Variants in PACS1 observed in about 807,000 individuals in gnomAD.
The protein encoded by PACS1 is phosphofurin acidic cluster sorting protein 1.
A neutral mutation model predicts 115.0 loss-of-function variants in PACS1; 24 were observed. The observed-to-expected ratio is 0.21, with a 90% CI of 0.15 to 0.29. PACS1 has a LOEUF of 0.29. PACS1 is among the 10% of genes least tolerant of loss of function. The pLI, the probability that PACS1 is intolerant of heterozygous loss-of-function variation, is 1.00. For synonymous variants in PACS1, 453 were observed against 504.5 expected, an observed-to-expected ratio of 0.90 and a Z score of 1.37; for missense variants, 838 against 1,251.2, an observed-to-expected ratio of 0.67 and a Z score of 4.98.
At chr11:66,204,056 A>G (rs1428424532) in intron 2 of PACS1, among the ~76,000 whole-genome samples, 1 of 152,182 alleles carries the variant, frequency 6.6e-6, no homozygotes, top group Non-Finnish European at 1.5e-5. Flanking sequence ...ATGGGATCAC[A>G]TCAAGTTAAA....
At chr11:66,225,814 G>T (rs1855460054) in intron 10 of PACS1, among the ~76,000 whole-genome samples, 1 of 152,138 alleles carries the variant, frequency 6.6e-6, no homozygotes, top group Non-Finnish European at 1.5e-5. Context: ...ATCGAAAATG[G>T]AGTGAAATTA....
At chr11:66,238,768 A>C in intron 19 of PACS1, 36 bp from the exon 20 acceptor site, 10 of 1,563,714 alleles carry the variant, frequency 6.4e-6, no homozygotes, top group Non-Finnish European at 8.7e-6. Flanking sequence ...CTGCTTTAAC[A>C]GGAGGATCTA....
chr11:66,211,389 G>C, intron 4 of PACS1, 130 bp downstream of exon 4: 1 of 860,796 alleles, frequency 1.2e-6, no homozygotes. Flanking sequence ...TCTGTTTTAC[G>C]AGTTAATTAT....
At chr11:66,196,243 A>G (rs887694582) in intron 2 of PACS1, among the ~76,000 whole-genome samples, 2 of 152,386 alleles carry the variant, frequency 1.3e-5, no homozygotes, top group South Asian at 2.1e-4. Context: ...AGAGAAAGCC[A>G]GTTTTGCTTA....
At chr11:66,158,108 A>G (rs528365281) in intron 1 of PACS1, among the ~76,000 whole-genome samples, 1 of 152,238 alleles carries the variant, frequency 6.6e-6, no homozygotes, top group Admixed American at 6.5e-5. Context: ...CTGAGACTAC[A>G]GATACGCGCC....
intron 1 of PACS1, among the ~76,000 whole-genome samples, chr11:66,136,041 A>G (rs1858834636): frequency 6.6e-6 from 1 of 152,114 alleles, no homozygotes; most frequent in Non-Finnish European, 1.5e-5. Flanking sequence ...CTGTCAGTTG[A>G]ATTATTGAGC....
chr11:66,138,284 G>A (rs1858895048), intron 1 of PACS1, among the ~76,000 whole-genome samples: 2 of 151,968 alleles, frequency 1.3e-5, no homozygotes, highest in Admixed American at 1.3e-4. Flanking sequence ...TTACAGAGAT[G>A]GGAGTCTTGC....
At chr11:66,202,188 GA>G (rs1480498098) in intron 2 of PACS1, among the ~76,000 whole-genome samples, 1 of 152,086 alleles carries the variant, frequency 6.6e-6, no homozygotes, top group Non-Finnish European at 1.5e-5. Context: ...GAACCATGAA[GA>G]AATTCAAAAC....
At chr11:66,216,862 C>CTTTTTTTTTTTTTTTTTTTTTTTTTTT in intron 7 of PACS1, 87 bp downstream of exon 7, 1 of 849,840 alleles carries the variant, frequency 1.2e-6, no homozygotes, top group Middle Eastern at 2.5e-4. Flanking sequence ...CTAGTGGAGA[C>CTTTTTTTTTTTTTTTTTTTTTTTTTTT]TTCTTAAAAT....
chr11:66,099,560 T>G (rs1295212996), intron 1 of PACS1, among the ~76,000 whole-genome samples: 2 of 150,396 alleles, frequency 1.3e-5, no homozygotes, highest in African/African-American at 2.5e-5. Context: ...TTGGGGGGGT[T>G]TTGAGGGCAG....
In PACS1 at chr11:66,233,948, G is replaced by A. The variant is rs755579200; in HGVS notation, c.1993+9G>A. The stretch of plus-strand genomic sequence containing the variant: ...CCTCATCATCCCCCTCGGTAAAGAC[G>A]GGAGGCACCAGGAGGGCGTCGGGCA... On this transcript the variant is annotated intron_variant, in intron 16 of 23. Coordinates refer to ENST00000320580, the MANE Select transcript of PACS1 (RefSeq NM_018026.4). The surrounding 1 kb of genome is among the most constrained non-coding windows in gnomAD (Gnocchi z 4.5). The A allele has an allele frequency of 5.1e-6, 8 of 1,568,702 alleles. No individual in the cohort carries two copies. The highest frequency in any genetic ancestry group is 2.7e-5 in the African/African-American group (2 of 74,004).
chr11:66,197,949 G>A (rs1318209274), intron 2 of PACS1, among the ~76,000 whole-genome samples: 1 of 152,048 alleles, frequency 6.6e-6, no homozygotes, highest in Non-Finnish European at 1.5e-5. Flanking sequence ...GTCCAAAATA[G>A]GAATGAGAAT....
At chr11:66,187,542 G>A (rs1854411874) in intron 1 of PACS1, among the ~76,000 whole-genome samples, 1 of 152,000 alleles carries the variant, frequency 6.6e-6, no homozygotes, top group Non-Finnish European at 1.5e-5. Context: ...TTCCATGTGT[G>A]AGTGAGATCA....
chr11:66,241,563 G>T lies in PACS1; in HGVS notation c.2566G>T (p.Val856Leu), dbSNP rs773414621. 6.2e-7 allele frequency: 1 copy of T among 1,614,138 alleles called. No individual in the cohort carries two copies. The highest frequency in any genetic ancestry group is 8.5e-7 in the Non-Finnish European group (1 of 1,180,050). Residue 856 changes from valine to leucine, a missense_variant, in exon 22 of 24, where the codon GTG becomes TTG. Val to Leu is a conservative substitution (Grantham distance 32, BLOSUM62 1). This residue lies in a region of PACS1 where 84 missense variants were observed against 187.1 expected (regional missense o/e 0.45). Coordinates refer to ENST00000320580, the MANE Select transcript of PACS1 (RefSeq NM_018026.4). ...CACCCTCAAGAGTGTCTTCCGCTCA[G>T]TGCAGGTGTCCCGCCTGCCCCATAG... ...KNTLKSVFRS[V>L]QVSRLPHSGE...
rs146649196 is a variant in PACS1, at chr11:66,217,681, G to A, written c.978+906G>A. ...TCAGCAACTAGGGAGCGGGAGGACT[G>A]TTTCCTTGTCCTCAGGTATCCACCT... On this transcript the variant is annotated intron_variant, in intron 7 of 23. Transcript: ENST00000320580. 926 of 451,790 alleles carry A rather than the reference G, an allele frequency of 2.0e-3. 1 individual carries two copies. The highest frequency in any genetic ancestry group is 3.3e-3 in the Non-Finnish European group (732 of 224,314). 28.0% of individuals were successfully genotyped at this position (451,790 alleles called of 1,614,324 possible). A position where few individuals can be genotyped will look rare whatever the true frequency, so the allele number is the denominator to read the frequency against.
intron 7 of PACS1, chr11:66,219,501 AG>A: frequency 3.1e-6 from 2 of 643,768 alleles, no homozygotes; most frequent in Non-Finnish European, 5.7e-6. Context: ...GTTGGGGCAC[AG>A]GGGGGTGGAG....
chr11:66,174,541 A>G (rs1245817583), intron 1 of PACS1, among the ~76,000 whole-genome samples: 2 of 152,234 alleles, frequency 1.3e-5, no homozygotes, highest in African/African-American at 4.8e-5. Flanking sequence ...CAACTTGTAA[A>G]TGGATAAATA....
intron 13 of PACS1, 88 bp downstream of exon 13, chr11:66,231,028 T>C (rs1855582177): frequency 1.3e-6 from 2 of 1,504,748 alleles, no homozygotes; most frequent in Non-Finnish European, 1.8e-6. Flanking sequence ...GGACAGTTAG[T>C]TGGAGAGAAG....
Position 66,235,884 on chromosome 11 carries a change from G to A in PACS1, c.2208-14G>A, listed in dbSNP as rs1379281036. 1 of 1,611,968 alleles carries A rather than the reference G, an allele frequency of 6.2e-7. No homozygotes were observed. Among genetic ancestry groups the A allele is most frequent in the Non-Finnish European group, 8.5e-7 (1 of 1,178,046 alleles). Reference sequence around the variant, plus strand: ...CTCCTACTAACTATGAAGCTCTCCTGTGTCTCCCAACAGCCCTGATGAAGA... The same window carrying A: ...CTCCTACTAACTATGAAGCTCTCCTATGTCTCCCAACAGCCCTGATGAAGA... On this transcript the variant is annotated splice_polypyrimidine_tract_variant and intron_variant, in intron 18 of 23. Transcript: ENST00000320580. This position sits in a 1 kb window ranked among gnomAD's most constrained non-coding sequence, Gnocchi z 5.6.
Sources: allele counts gnomAD v4.1 joint callset (sites outside exome capture counted in the v4.1 genomes callset), GRCh38; gene constraint gnomAD v4.1.1; regional missense constraint gnomAD v4.1.1; non-coding constraint Gnocchi (gnomAD v3.1); transcripts MANE v1.5; gene names NCBI Gene and HGNC (gene_info 2026-07-23, HGNC 2026-07-21).